Variants in KCNG1 observed in about 807,000 individuals in gnomAD.
KCNG1 encodes the protein potassium voltage-gated channel modifier subfamily G member 1, also known as voltage-gated potassium channel regulatory subunit KCNG1.
A neutral mutation model predicts 32.4 loss-of-function variants in KCNG1; 17 were observed. That is an observed-to-expected ratio of 0.52 (90% CI 0.36 to 0.79). KCNG1 has a LOEUF of 0.79. Among genes scored for constraint, KCNG1 ranks in the 30% least tolerant of loss-of-function variants. The pLI is 0.00. For synonymous variants in KCNG1, 358 were observed against 339.9 expected (o/e 1.05, Z -0.59); for missense variants, 441 against 735.2 (o/e 0.60, Z 4.63).
rs1024512995 is a variant in KCNG1, at chr20:51,005,608, G to A, written c.775-802C>T. Reference sequence around the variant, plus strand: ...TTAAATAGATAAAATGTTGATTTAAGTCCTGGTGATAATTCAGTGCAAAGA... The same window carrying A: ...TTAAATAGATAAAATGTTGATTTAAATCCTGGTGATAATTCAGTGCAAAGA... On this transcript the variant is annotated intron_variant, in intron 2 of 2. Transcript: ENST00000371571. This position sits in a 1 kb window ranked among gnomAD's most constrained non-coding sequence, Gnocchi z 4.0. 1 of 152,214 alleles carries A rather than the reference G, an allele frequency of 6.6e-6. No individual in the cohort carries two copies. Among genetic ancestry groups the A allele is most frequent in the South Asian group, 2.1e-4 (1 of 4,830 alleles). 9.4% of individuals were successfully genotyped at this position (152,214 alleles called of 1,614,324 possible). A position where few individuals can be genotyped will look rare whatever the true frequency, so the allele number is the denominator to read the frequency against.
chr20:51,004,123 G>C lies in KCNG1; in HGVS notation c.1458C>G (p.Ile486Met), dbSNP rs1256467356. Reference sequence around the variant, plus strand: ...ACACGCTCAGCTGCGACTTGGTTTTGATGAGGAACTGCGCCCTCCGGAACA... The same window carrying C: ...ACACGCTCAGCTGCGACTTGGTTTTCATGAGGAACTGCGCCCTCCGGAACA... ...RVMFRRAQFL[I>M]KTKSQLSVSQ... Residue 486 changes from isoleucine (I) to methionine (M), a missense_variant, in exon 3 of 3, where the codon ATC (isoleucine) becomes ATG (methionine). Ile to Met is a conservative substitution (Grantham distance 10, BLOSUM62 1). Transcript: ENST00000371571. This position sits in a 1 kb window ranked among gnomAD's most constrained non-coding sequence, Gnocchi z 4.3. 1.2e-6 allele frequency: 2 copies of C among 1,614,228 alleles called. No individual in the cohort carries two copies. The highest frequency in any genetic ancestry group is 1.7e-6 in the Non-Finnish European group (2 of 1,180,036).
At position 51,004,102 on chromosome 20, in the gene KCNG1, G is replaced by A. The variant is rs778923658; in HGVS notation, c.1479C>T (p.Ser493=). Residue 493 remains serine (S), a synonymous_variant, in exon 3 of 3, where the codon AGC becomes AGT. Transcript: ENST00000371571. This position sits in a 1 kb window ranked among gnomAD's most constrained non-coding sequence, Gnocchi z 4.3. ...ACAAGATGTCACTGTCCTGGGACAC[G>A]CTCAGCTGCGACTTGGTTTTGATGA... ...QFLIKTKSQL[S]VSQDSDILFG... is the part of the protein sequence containing the mutation. The A allele has an allele frequency of 3.7e-6, 6 of 1,614,106 alleles. No homozygotes were observed. Among genetic ancestry groups the A allele is most frequent in the South Asian group, 2.2e-5 (2 of 91,086 alleles).
At chr20:51,011,742 T>C (rs6020910) in intron 1 of KCNG1, among the ~76,000 whole-genome samples, 28,013 of 152,148 alleles carry the variant, frequency 0.18, 5,001 homozygotes, top group African/African-American at 0.46. Flanking sequence ...ATTATGTACA[T>C]AGGAGCATTT....
At chr20:51,020,666 C>T (rs893825927) in intron 1 of KCNG1, among the ~76,000 whole-genome samples, 5 of 152,110 alleles carry the variant, frequency 3.3e-5, no homozygotes, top group African/African-American at 9.7e-5. Flanking sequence ...AGGGTAGATT[C>T]CTGTACCCCT....
intron 2 of KCNG1, chr20:51,007,364 T>C (rs1232682450): frequency 6.6e-6 from 1 of 152,138 alleles, no homozygotes; most frequent in East Asian, 1.9e-4. Context: ...TTTTGTATTT[T>C]TAGCAGAGAT....
intron 1 of KCNG1, among the ~76,000 whole-genome samples, chr20:51,016,364 A>G (rs1988279565): frequency 6.6e-6 from 1 of 152,050 alleles, no homozygotes; most frequent in Non-Finnish European, 1.5e-5. Flanking sequence ...TTGAACCTGG[A>G]AGGCAGAGGT....
Position 51,010,317 on chromosome 20 carries a change from T to C in KCNG1, c.22A>G (p.Asn8Asp). MTLLPGDNSDYDYSALSC... is the reference protein window; with the variant it reads MTLLPGDDSDYDYSALSC... ...AGCGCGCTGTAGTCGTAGTCAGAAT[T>C]GTCTCCCGGTAAGAGGGTCATTTTG... The change falls in exon 2 of 3, where the codon AAT (asparagine) becomes GAT (aspartate). Residue 8 changes from asparagine (N) to aspartate (D), a missense_variant. Physicochemically the swap from Asn to Asp is conservative, Grantham distance 23. Around this residue, in one of 6 missense-constraint regions of KCNG1, gnomAD observed 85 missense variants for 98.2 expected, o/e 0.87. Transcript: ENST00000371571. 6.6e-7 allele frequency: 1 copy of C among 1,505,738 alleles called. No homozygotes were observed. Among genetic ancestry groups the C allele is most frequent in the Non-Finnish European group, 8.8e-7 (1 of 1,136,594 alleles). 93.3% of individuals were successfully genotyped at this position (1,505,738 alleles called of 1,614,324 possible).
rs1266121458 is a variant in KCNG1 at position 51,015,020 on chromosome 20, G to A, written c.-26-4656C>T. Among the ~76,000 whole-genome samples the A allele has an allele frequency of 6.6e-6, 1 of 152,158 alleles. No homozygotes were observed. Among genetic ancestry groups the A allele is most frequent in the Non-Finnish European group, 1.5e-5 (1 of 68,032 alleles). ...GGCAGGGGCCAGGTGCAGCAGGGCCGAGGGGCTGACAATAAGGAGCTGGGG... is the reference window on the plus strand; with the variant it reads ...GGCAGGGGCCAGGTGCAGCAGGGCCAAGGGGCTGACAATAAGGAGCTGGGG... On this transcript the variant is annotated intron_variant, in intron 1 of 2. Coordinates refer to ENST00000371571, the MANE Select transcript of KCNG1 (RefSeq NM_002237.4). The surrounding 1 kb of genome is among the most constrained non-coding windows in gnomAD (Gnocchi z 4.4).
intron 1 of KCNG1, among the ~76,000 whole-genome samples, chr20:51,010,966 C>T (rs570271725): frequency 2.8e-4 from 43 of 152,044 alleles, no homozygotes; most frequent in African/African-American, 1.0e-3. Flanking sequence ...CTAGGGCTTT[C>T]TCTCTGCCAT....
In KCNG1 at chr20:51,009,943, G is replaced by A. The variant is rs763218689; in HGVS notation, c.396C>T (p.Arg132=). 12 of 1,613,852 alleles carry A rather than the reference G, an allele frequency of 7.4e-6. No homozygotes were observed. The highest frequency in any genetic ancestry group is 1.7e-5 in the Admixed American group (1 of 60,020). ...CGCGCAGCAGCCGCAGCTTGCCCGC[G>A]CGCAGGAAGGTCAGGATAGTGCCGA... ...GAFGTILTFL[R]AGKLRLLREM... The change falls in exon 2 of 3, where the codon CGC becomes CGT. Residue 132 remains arginine, a synonymous_variant. Coordinates refer to ENST00000371571, the MANE Select transcript of KCNG1 (RefSeq NM_002237.4).
intron 2 of KCNG1, among the ~76,000 whole-genome samples, chr20:51,009,315 C>A (rs1225777777): frequency 1.3e-5 from 2 of 152,226 alleles, no homozygotes; most frequent in Admixed American, 1.3e-4. Flanking sequence ...GGACACTGTT[C>A]TAAACACTGG....
Position 51,004,085 on chromosome 20 carries a change from T to G in KCNG1, c.1496A>C (p.Asp499Ala), listed in dbSNP as rs1391379984. 6.2e-7 allele frequency: 1 copy of G among 1,614,062 alleles called. No homozygotes were observed. Among genetic ancestry groups the G allele is most frequent in the Non-Finnish European group, 8.5e-7 (1 of 1,180,040 alleles). The change falls in exon 3 of 3, where the codon GAC (aspartate) becomes GCC (alanine). Residue 499 changes from aspartate to alanine, a missense_variant. By Grantham distance (126) the Asp-to-Ala change is moderately radical. Around this residue, in one of 6 missense-constraint regions of KCNG1, gnomAD observed 53 missense variants for 79.1 expected, o/e 0.67. Coordinates refer to ENST00000371571, the MANE Select transcript of KCNG1 (RefSeq NM_002237.4). The surrounding 1 kb of genome is among the most constrained non-coding windows in gnomAD (Gnocchi z 4.3). ...CGAGGAGGCACTTCCGAACAAGATG[T>G]CACTGTCCTGGGACACGCTCAGCTG... is the stretch of plus-strand genomic sequence containing the variant. The part of the protein sequence containing the change: ...KSQLSVSQDS[D>A]ILFGSASSDT...
At chr20:51,018,349 G>A (rs904705916) in intron 1 of KCNG1, among the ~76,000 whole-genome samples, 1 of 152,186 alleles carries the variant, frequency 6.6e-6, no homozygotes, top group Non-Finnish European at 1.5e-5. Context: ...TCTGGTGAAC[G>A]GAGGTTTGCT....
intron 2 of KCNG1, 60 bp downstream of exon 2, chr20:51,009,505 C>G: frequency 6.7e-7 from 1 of 1,491,784 alleles, no homozygotes; most frequent in Middle Eastern, 1.7e-4. Flanking sequence ...GAGGAGGTGA[C>G]AATGCTCAGA....
chr20:51,009,581 C>T lies in KCNG1; in HGVS notation c.758G>A (p.Arg253Lys). ...GGCTCTTACCTGCTCCTCCTCCTCC[C>T]TCAGGCTGGGCAAGGTGCTGACGGA... ...NLSVSTLPSL[R>K]EEEEQGHCSQ... The change falls in exon 2 of 3, where the codon AGG (arginine) becomes AAG (lysine). Residue 253 changes from arginine to lysine, a missense_variant. By Grantham distance (26) the Arg-to-Lys change is conservative. Transcript: ENST00000371571. 6.2e-7 allele frequency: 1 copy of T among 1,606,116 alleles called. No homozygotes were observed. Among genetic ancestry groups the T allele is most frequent in the Non-Finnish European group, 8.5e-7 (1 of 1,177,340 alleles).
At chr20:51,020,453 C>T (rs1988436848) in intron 1 of KCNG1, among the ~76,000 whole-genome samples, 2 of 152,156 alleles carry the variant, frequency 1.3e-5, no homozygotes, top group South Asian at 4.1e-4. Flanking sequence ...AGGCACAATT[C>T]AGATCCTATT....
At chr20:51,009,017 G>T (rs945841233) in intron 2 of KCNG1, among the ~76,000 whole-genome samples, 6 of 152,128 alleles carry the variant, frequency 3.9e-5, no homozygotes, top group Non-Finnish European at 7.3e-5. Context: ...TCAGGCCCTG[G>T]AGTAAATAAA....
rs767315420 is a variant in KCNG1 at position 51,004,604 on chromosome 20, C to T, written c.977G>A (p.Arg326His). Reference sequence around the variant, plus strand: ...GTAGCTGTTGCCCGCGCCGGGCTTGCGACGGCCTGCGGCGGCGCCGTCCAC... The same window carrying T: ...GTAGCTGTTGCCCGCGCCGGGCTTGTGACGGCCTGCGGCGGCGCCGTCCAC... Reference protein sequence around the residue: ...LLVDGAAAGRRKPGAGNSYLD... With the variant: ...LLVDGAAAGRHKPGAGNSYLD... Residue 326 changes from arginine (R) to histidine (H), a missense_variant, in exon 3 of 3, where the codon CGC becomes CAC. By Grantham distance (29) the Arg-to-His change is conservative. Transcript: ENST00000371571. The surrounding 1 kb of genome is among the most constrained non-coding windows in gnomAD (Gnocchi z 4.3). The T allele has an allele frequency of 4.4e-6, 7 of 1,579,608 alleles. No individual in the cohort carries two copies. The highest frequency in any genetic ancestry group is 6.0e-6 in the Non-Finnish European group (7 of 1,162,424).
intron 1 of KCNG1, among the ~76,000 whole-genome samples, chr20:51,019,400 A>G (rs1988390155): frequency 6.6e-6 from 1 of 151,932 alleles, no homozygotes; most frequent in Admixed American, 6.6e-5. Context: ...AGTCCCAGTG[A>G]CTCAGGAGGC....
Sources: allele counts gnomAD v4.1 joint callset (sites outside exome capture counted in the v4.1 genomes callset), GRCh38; gene constraint gnomAD v4.1.1; regional missense constraint gnomAD v4.1.1; non-coding constraint Gnocchi (gnomAD v3.1); transcripts MANE v1.5; gene names NCBI Gene and HGNC (gene_info 2026-07-23, HGNC 2026-07-21).